Variants in AGAP1 observed in about 807,000 individuals in gnomAD.
AGAP1 encodes the protein ArfGAP with GTPase domain, ankyrin repeat and PH domain 1.
A neutral mutation model predicts 105.3 loss-of-function variants in AGAP1; 29 were observed. The ratio of observed to expected loss-of-function variants is 0.28; its 90% confidence interval spans 0.21 to 0.38. The LOEUF (loss-of-function observed/expected upper bound fraction) is 0.38. AGAP1 is among the 10% of genes least tolerant of loss of function. The pLI, the probability that AGAP1 is intolerant of heterozygous loss-of-function variation, is 1.00. For missense variants in AGAP1, 998 were observed against 1,165.1 expected, an observed-to-expected ratio of 0.86 and a Z score of 2.09; for synonymous variants, 509 against 485.9, an observed-to-expected ratio of 1.05 and a Z score of -0.63.
chr2:235,590,681 G>GCA (rs59442381), intron 1 of AGAP1, among the ~76,000 whole-genome samples: 1 of 74,092 alleles, frequency 1.3e-5, no homozygotes, highest in East Asian at 4.7e-4. Flanking sequence ...GTGTGTGTGT[G>GCA]TGTGCGTGTG....
At chr2:235,707,472 A>ACCCCCCCCCCCCCCCC (rs1250772330) in intron 1 of AGAP1, among the ~76,000 whole-genome samples, 10 of 22,410 alleles carry the variant, frequency 4.5e-4, no homozygotes, top group Non-Finnish European at 9.4e-4. Context: ...CCTCCCCATG[A>ACCCCCCCCCCCCCCCC]CCCCCCCCCC....
chr2:235,799,618 A>C lies in AGAP1; in HGVS notation c.957+96A>C. 5 of 1,347,302 alleles carry C rather than the reference A, an allele frequency of 3.7e-6. No homozygotes were observed. The highest frequency in any genetic ancestry group is 3.8e-4 in the Middle Eastern group (2 of 5,302). The allele number at this position is 1,347,302 out of a possible 1,614,324, so 83.5% of individuals were successfully genotyped here. On this transcript the variant is annotated intron_variant, in intron 8 of 17. Transcript: ENST00000304032. This position sits in a 1 kb window ranked among gnomAD's most constrained non-coding sequence, Gnocchi z 5.0. ...CACATGGTTCAGTGGTATTTGTAGAATCTCAACTATATTAAAGTGAATAAC... is the reference window on the plus strand; with the variant it reads ...CACATGGTTCAGTGGTATTTGTAGACTCTCAACTATATTAAAGTGAATAAC...
intron 6 of AGAP1, among the ~76,000 whole-genome samples, chr2:235,778,894 G>A (rs1045617339): frequency 6.6e-6 from 1 of 152,200 alleles, no homozygotes; most frequent in Admixed American, 6.5e-5. Flanking sequence ...CTCCAGCCCC[G>A]TGGCAGTCCT....
intron 11 of AGAP1, among the ~76,000 whole-genome samples, chr2:235,915,186 A>G (rs1434271986): frequency 2.0e-5 from 3 of 152,084 alleles, no homozygotes; most frequent in Admixed American, 6.5e-5. Context: ...TGCCTCATCA[A>G]CCCACATGCT....
intron 11 of AGAP1, among the ~76,000 whole-genome samples, chr2:235,917,890 C>T (rs185880780): frequency 1.3e-5 from 2 of 152,178 alleles, no homozygotes; most frequent in Non-Finnish European, 2.9e-5. Context: ...ACACTGCAGA[C>T]GCGGAGTCGC....
chr2:235,843,085 C>T lies in AGAP1; in HGVS notation c.1050+35754C>T, dbSNP rs1305315201. The stretch of plus-strand genomic sequence containing the variant: ...GTCTTCATAATGAAACAGAAGTGCT[C>T]ATTGTCCTGTTGCCACCCTTGTCGG... On this transcript the variant is annotated intron_variant, in intron 9 of 17. Coordinates refer to ENST00000304032, the MANE Select transcript of AGAP1 (RefSeq NM_001037131.3). The surrounding 1 kb of genome is among the most constrained non-coding windows in gnomAD (Gnocchi z 5.9). Among the ~76,000 whole-genome samples, 4 of 152,186 alleles carry T rather than the reference C, an allele frequency of 2.6e-5. No individual in the cohort carries two copies. Among genetic ancestry groups the T allele is most frequent in the Non-Finnish European group, 5.9e-5 (4 of 68,032 alleles).
At chr2:235,674,693 CTTTTT>C (rs201019044) in intron 1 of AGAP1, among the ~76,000 whole-genome samples, 1 of 136,296 alleles carries the variant, frequency 7.3e-6, no homozygotes, top group Non-Finnish European at 1.6e-5. Flanking sequence ...GGGTGATAGA[CTTTTT>C]TTTTTTTTTT....
At chr2:236,122,784 G>T (rs754420948) in intron 17 of AGAP1, among the ~76,000 whole-genome samples, 1 of 149,014 alleles carries the variant, frequency 6.7e-6, no homozygotes, top group Non-Finnish European at 1.5e-5. Context: ...CCGGGTTCAA[G>T]CAATTCTCCT....
intron 9 of AGAP1, among the ~76,000 whole-genome samples, chr2:235,825,200 C>T (rs1477138559): frequency 2.0e-5 from 3 of 152,222 alleles, no homozygotes; most frequent in Admixed American, 2.0e-4. Flanking sequence ...CGTCTCCAGA[C>T]CCCTTCCTTC....
At chr2:235,890,928 CTA>C in intron 10 of AGAP1, among the ~76,000 whole-genome samples, 1 of 107,000 alleles carries the variant, frequency 9.3e-6, no homozygotes, top group African/African-American at 3.2e-5. Flanking sequence ...GGGTGTAAGA[CTA>C]AAACTGAGGC....
At chr2:235,850,583 G>T (rs2048398182) in intron 9 of AGAP1, among the ~76,000 whole-genome samples, 1 of 152,252 alleles carries the variant, frequency 6.6e-6, no homozygotes, top group Non-Finnish European at 1.5e-5. Context: ...GTGCGGTGTT[G>T]CTTCTTGGTT....
At chr2:235,637,335 C>T (rs185217688) in intron 1 of AGAP1, among the ~76,000 whole-genome samples, 10 of 152,270 alleles carry the variant, frequency 6.6e-5, no homozygotes, top group Admixed American at 2.0e-4. Context: ...TACAGTGGCG[C>T]GGTCATAGCT....
intron 13 of AGAP1, among the ~76,000 whole-genome samples, chr2:236,024,252 G>T (rs1157531778): frequency 6.6e-6 from 1 of 151,964 alleles, no homozygotes; most frequent in Non-Finnish European, 1.5e-5. Flanking sequence ...GCCCAGGCTG[G>T]TCTCAAACTC....
intron 9 of AGAP1, among the ~76,000 whole-genome samples, chr2:235,829,857 G>A (rs547478018): frequency 6.6e-6 from 1 of 152,290 alleles, no homozygotes; most frequent in African/African-American, 2.4e-5. Flanking sequence ...TCAAGGACCA[G>A]AGAAGGTGGT....
intron 13 of AGAP1, among the ~76,000 whole-genome samples, chr2:236,021,896 A>C (rs1455793892): frequency 2.0e-5 from 3 of 151,692 alleles, no homozygotes; most frequent in Non-Finnish European, 4.4e-5. Flanking sequence ...CCTTCTCTAC[A>C]AAAAATACAA....
Position 235,517,932 on chromosome 2 carries a change from CAAA to C in AGAP1, c.163+23096_163+23098del, listed in dbSNP as rs765981730. Among the ~76,000 whole-genome samples the C allele has an allele frequency of 9.3e-5, 2 of 21,450 alleles. No individual in the cohort carries two copies. The highest frequency in any genetic ancestry group is 8.7e-5 in the Non-Finnish European group (1 of 11,526). The allele number at this position is 21,450 out of a possible 152,430, so 14.1% of individuals were successfully genotyped here. On this transcript the variant is annotated intron_variant, in intron 1 of 17. Coordinates refer to ENST00000304032, the MANE Select transcript of AGAP1 (RefSeq NM_001037131.3). The surrounding 1 kb of genome is among the most constrained non-coding windows in gnomAD (Gnocchi z 4.1). ...TGGGTGACAGAGTGAGACTCCGTTT[CAAA>C]AAAAAAAAAAAAGAAAAAAAAAAGG...
At chr2:235,808,057 C>A (rs1012617119) in intron 9 of AGAP1, among the ~76,000 whole-genome samples, 3 of 151,422 alleles carry the variant, frequency 2.0e-5, no homozygotes, top group African/African-American at 7.3e-5. Context: ...AAAAAAAAAA[C>A]CCTGGAGTCC....
At chr2:235,811,233 G>A (rs545262043) in intron 9 of AGAP1, among the ~76,000 whole-genome samples, 55 of 152,112 alleles carry the variant, frequency 3.6e-4, no homozygotes, top group African/African-American at 1.3e-3. Flanking sequence ...CGTGCCCTTC[G>A]CAGAGCCCCG....
chr2:236,122,203 G>A (rs929383529), intron 17 of AGAP1, among the ~76,000 whole-genome samples: 19 of 152,032 alleles, frequency 1.2e-4, no homozygotes, highest in Admixed American at 3.3e-4. Flanking sequence ...CTCTCACCTC[G>A]GCCTCCCAAG....
Sources: gnomAD v4.1 joint callset for allele counts (sites outside exome capture counted in the v4.1 genomes callset) on GRCh38, gnomAD v4.1.1 for gene constraint, Gnocchi (gnomAD v3.1) non-coding constraint, MANE v1.5 for transcripts, NCBI Gene and HGNC (gene_info 2026-07-23, HGNC 2026-07-21) for gene names.